LRP1B: variants seen among roughly 807,000 people sequenced by gnomAD.
LRP1B encodes low-density lipoprotein receptor-related protein 1B.
A neutral mutation model predicts 556.6 loss-of-function variants in LRP1B; 217 were observed. The observed-to-expected ratio is 0.39, with a 90% CI of 0.35 to 0.44. The LOEUF is 0.44. Among genes scored for constraint, LRP1B ranks in the 20% least tolerant of loss-of-function variants. LRP1B has a pLI of 1.00. For missense variants in LRP1B, 5,053 were observed against 5,620.8 expected (o/e 0.90, Z 3.23); for synonymous variants, 2,047 against 1,865.8 (o/e 1.10, Z -2.50).
rs1025936421 is a variant in LRP1B at position 140,702,260 on chromosome 2, T to C, written c.6183A>G (p.Thr2061=). 5.0e-6 allele frequency: 8 copies of C among 1,613,670 alleles called. No individual in the cohort carries two copies. Among genetic ancestry groups the C allele is most frequent in the Admixed American group, 1.7e-5 (1 of 59,926 alleles). ...ENKLYWCDAR[T]DKIERIDLET... Reference sequence around the variant, plus strand: ...CAAGGTCGATTCTCTCTATCTTGTCTGTGCGAGCATCACACCAGTACAATT... The same window carrying C: ...CAAGGTCGATTCTCTCTATCTTGTCCGTGCGAGCATCACACCAGTACAATT... Residue 2061 remains threonine (T), a synonymous_variant, in exon 39 of 91, where the codon ACA becomes ACG. Coordinates refer to ENST00000389484, the MANE Select transcript of LRP1B (RefSeq NM_018557.3).
intron 2 of LRP1B, among the ~76,000 whole-genome samples, chr2:141,527,817 C>A (rs1178348321): frequency 6.6e-6 from 1 of 152,112 alleles, no homozygotes; most frequent in Non-Finnish European, 1.5e-5. Context: ...AAATATACTA[C>A]AGAGCTTTTC....
At chr2:140,685,196 T>C (rs1686006076) in intron 41 of LRP1B, among the ~76,000 whole-genome samples, 2 of 152,202 alleles carry the variant, frequency 1.3e-5, no homozygotes, top group Admixed American at 1.3e-4. Flanking sequence ...GTACACCTGT[T>C]CTTCAAAATA....
chr2:141,608,404 T>A (rs1001641363), intron 2 of LRP1B, among the ~76,000 whole-genome samples: 1 of 152,198 alleles, frequency 6.6e-6, no homozygotes, highest in Non-Finnish European at 1.5e-5. Flanking sequence ...TCACATTAAA[T>A]GAATAATTCA....
chr2:140,955,650 C>T (rs1350156057), intron 18 of LRP1B, among the ~76,000 whole-genome samples: 1 of 151,658 alleles, frequency 6.6e-6, no homozygotes, highest in Non-Finnish European at 1.5e-5. Context: ...GTAGTATGCT[C>T]AATTTACCTA....
At chr2:141,011,245 A>G (rs1026564346) in intron 14 of LRP1B, among the ~76,000 whole-genome samples, 33 of 151,508 alleles carry the variant, frequency 2.2e-4, no homozygotes, top group African/African-American at 7.2e-4. Flanking sequence ...GAAACCATTT[A>G]TAGGACACAG....
chr2:141,272,172 A>G (rs1431888264), intron 3 of LRP1B, among the ~76,000 whole-genome samples: 2 of 152,096 alleles, frequency 1.3e-5, no homozygotes, highest in African/African-American at 4.8e-5. Context: ...GTATAACAAT[A>G]ATAGCAATCA....
chr2:141,692,786 G>A (rs998989384), intron 2 of LRP1B, among the ~76,000 whole-genome samples: 1 of 151,926 alleles, frequency 6.6e-6, no homozygotes, highest in East Asian at 1.9e-4. Flanking sequence ...CCACAAACCT[G>A]TACATTATGT....
intron 1 of LRP1B, among the ~76,000 whole-genome samples, chr2:142,079,447 A>C (rs1206162136): frequency 6.6e-6 from 1 of 152,144 alleles, no homozygotes; most frequent in Admixed American, 6.6e-5. Context: ...ATCTTAACCA[A>C]GTATTCAAAA....
At chr2:141,636,975 G>A (rs1689127736) in intron 2 of LRP1B, among the ~76,000 whole-genome samples, 1 of 152,106 alleles carries the variant, frequency 6.6e-6, no homozygotes, top group Non-Finnish European at 1.5e-5. Context: ...CCTGGGAAGA[G>A]ACTGAGTTGG....
chr2:140,630,433 G>A (rs1574164453), intron 41 of LRP1B, among the ~76,000 whole-genome samples: 1 of 152,164 alleles, frequency 6.6e-6, no homozygotes, highest in East Asian at 1.9e-4. Flanking sequence ...CCTGAAATCT[G>A]GAGAGACAGG....
At chr2:141,867,673 T>G (rs533997018) in intron 1 of LRP1B, among the ~76,000 whole-genome samples, 1 of 152,246 alleles carries the variant, frequency 6.6e-6, no homozygotes, top group African/African-American at 2.4e-5. Flanking sequence ...ATGATATTAT[T>G]GATACAACAA....
intron 66 of LRP1B, among the ~76,000 whole-genome samples, chr2:140,408,365 T>A (rs1257843552): frequency 6.6e-6 from 1 of 151,948 alleles, no homozygotes; most frequent in African/African-American, 2.4e-5. Context: ...ATGGCATGCA[T>A]TAGTGCCAAT....
At chr2:141,581,177 C>T (rs1686947586) in intron 2 of LRP1B, among the ~76,000 whole-genome samples, 1 of 152,108 alleles carries the variant, frequency 6.6e-6, no homozygotes, top group African/African-American at 2.4e-5. Context: ...GCATTTTCTT[C>T]TCTCCACTAA....
intron 7 of LRP1B, among the ~76,000 whole-genome samples, chr2:141,178,566 C>T (rs966458958): frequency 6.6e-6 from 1 of 152,000 alleles, no homozygotes; most frequent in Admixed American, 6.6e-5. Flanking sequence ...GTAGCATATC[C>T]TATGTATGAG....
chr2:141,936,593 C>T (rs1199764194), intron 1 of LRP1B, among the ~76,000 whole-genome samples: 1 of 152,154 alleles, frequency 6.6e-6, no homozygotes, highest in Non-Finnish European at 1.5e-5. Context: ...GATCCTTGAT[C>T]TGTAATATTT....
intron 1 of LRP1B, among the ~76,000 whole-genome samples, chr2:142,090,399 T>A (rs531949716): frequency 6.6e-6 from 1 of 152,094 alleles, no homozygotes; most frequent in African/African-American, 2.4e-5. Context: ...GTCTTCTCCA[T>A]CTCAACCGCA....
chr2:141,115,652 T>C (rs1700877518), intron 7 of LRP1B, among the ~76,000 whole-genome samples: 1 of 121,864 alleles, frequency 8.2e-6, no homozygotes, highest in Admixed American at 8.8e-5. Flanking sequence ...TGTGTGTGTG[T>C]GTGTGTTTTT....
At chr2:141,696,994 T>C (rs1691754283) in intron 2 of LRP1B, among the ~76,000 whole-genome samples, 1 of 151,952 alleles carries the variant, frequency 6.6e-6, no homozygotes, top group African/African-American at 2.4e-5. Context: ...TTATAAAAAA[T>C]AAGATAGGTC....
At position 142,047,124 on chromosome 2, in the gene LRP1B, GT is replaced by G. The variant is rs1417065439; in HGVS notation, c.82+83523del. On this transcript the variant is annotated intron_variant, in intron 1 of 90. Transcript: ENST00000389484. ...GGTGTAAATCTTAATCGTGGAAATT[GT>G]TGTACTTAGGTCACACAGTTGTGGA... Among the ~76,000 whole-genome samples the G allele has an allele frequency of 2.0e-5, 3 of 151,914 alleles. No individual in the cohort carries two copies. In the East Asian group the frequency reaches 5.8e-4, roughly 30 times the overall value.
Sources: allele counts gnomAD v4.1 joint callset (sites outside exome capture counted in the v4.1 genomes callset), GRCh38; gene constraint gnomAD v4.1.1; transcripts MANE v1.5; gene names NCBI Gene and HGNC (gene_info 2026-07-23, HGNC 2026-07-21).